The following KCNC2 variants were observed in gnomAD, a reference collection of about 807,000 sequenced individuals.
The protein encoded by KCNC2 is potassium voltage-gated channel subfamily C member 2.
In KCNC2, 21 loss-of-function variants were observed where a neutral mutation model predicts 44.5. The ratio of observed to expected loss-of-function variants is 0.47; its 90% confidence interval spans 0.33 to 0.68. The LOEUF is 0.68. Among genes scored for constraint, KCNC2 ranks in the 30% least tolerant of loss-of-function variants. KCNC2 has a pLI of 0.01. For synonymous variants in KCNC2, 391 were observed against 339.1 expected (o/e 1.15, Z -1.68); for missense variants, 589 against 826.2 (o/e 0.71, Z 3.52).
At chr12:75,113,244 T>C (rs890350488) in intron 2 of KCNC2, among the ~76,000 whole-genome samples, 1 of 152,100 alleles carries the variant, frequency 6.6e-6, no homozygotes, top group South Asian at 2.1e-4. Flanking sequence ...TTAAAATTAA[T>C]GTACTAACTA....
chr12:75,190,450 C>A (rs1260364566), intron 2 of KCNC2, among the ~76,000 whole-genome samples: 1 of 152,170 alleles, frequency 6.6e-6, no homozygotes, highest in Non-Finnish European at 1.5e-5. Flanking sequence ...TTCCTTGGGG[C>A]CTTTCCAGAT....
chr12:75,098,771 A>AATAC (rs1423729780), intron 2 of KCNC2, among the ~76,000 whole-genome samples: 4 of 151,558 alleles, frequency 2.6e-5, no homozygotes, highest in Admixed American at 6.6e-5. Context: ...TAAATAAATA[A>AATAC]ATAAATAAAT....
chr12:75,125,960 T>C (rs911748662), intron 2 of KCNC2, among the ~76,000 whole-genome samples: 14 of 152,284 alleles, frequency 9.2e-5, no homozygotes, highest in African/African-American at 3.1e-4. Flanking sequence ...TATAAAGCAA[T>C]TTAATATATA....
chr12:75,148,286 A>G (rs1295126558), intron 2 of KCNC2, among the ~76,000 whole-genome samples: 4 of 152,110 alleles, frequency 2.6e-5, no homozygotes, highest in Non-Finnish European at 5.9e-5. Flanking sequence ...AGAATAAATG[A>G]CATAACCTCC....
At chr12:75,178,671 C>T (rs1442948195) in intron 2 of KCNC2, among the ~76,000 whole-genome samples, 2 of 151,784 alleles carry the variant, frequency 1.3e-5, no homozygotes, top group Non-Finnish European at 2.9e-5. Flanking sequence ...AAAAGTACAC[C>T]CCCAATTTTT....
intron 2 of KCNC2, among the ~76,000 whole-genome samples, chr12:75,199,236 T>C (rs1031409682): frequency 2.6e-5 from 4 of 151,844 alleles, no homozygotes; most frequent in Non-Finnish European, 4.4e-5. Context: ...TCAGATATTG[T>C]TGAAGAATGG....
intron 2 of KCNC2, among the ~76,000 whole-genome samples, chr12:75,157,641 A>T (rs748560773): frequency 6.6e-6 from 1 of 151,844 alleles, no homozygotes. Flanking sequence ...ACTGGCTTTC[A>T]TGTGAGCAAG....
chr12:75,091,767 TA>T (rs533136516), intron 2 of KCNC2, among the ~76,000 whole-genome samples: 4 of 150,728 alleles, frequency 2.7e-5, no homozygotes, highest in Non-Finnish European at 4.4e-5. Context: ...AGTGCTATGT[TA>T]AAAAAAAATC....
Position 75,207,798 on chromosome 12 carries a change from C to A in KCNC2, c.186G>T (p.Ser62=), listed in dbSNP as rs768187148. 5.0e-6 allele frequency: 8 copies of A among 1,597,696 alleles called. No homozygotes were observed. The Admixed American group carries it at 1.2e-4, about 24-fold the overall frequency. ...ACAGCGGGGGCGCTCTCGGCGGCGG[C>A]GACAGTGGAGGCGGCGACGGCTGCA... The part of the protein sequence containing the change: ...DKLQPSPPPL[S]PPPRAPPLSP... Residue 62 remains serine, a synonymous_variant, in exon 2 of 5, where the codon TCG becomes TCT. Transcript: ENST00000549446. The surrounding 1 kb of genome is among the most constrained non-coding windows in gnomAD (Gnocchi z 4.1).
intron 2 of KCNC2, among the ~76,000 whole-genome samples, chr12:75,128,715 A>T (rs1008356416): frequency 2.0e-5 from 3 of 152,218 alleles, no homozygotes; most frequent in Non-Finnish European, 4.4e-5. Context: ...TTAGTCAAAA[A>T]AAAAGGTTAA....
intron 2 of KCNC2, among the ~76,000 whole-genome samples, chr12:75,113,897 GA>G (rs1033680476): frequency 1.3e-5 from 2 of 151,538 alleles, no homozygotes; most frequent in East Asian, 1.9e-4. Context: ...TCTCTCCAGG[GA>G]AAAAAAAGAG....
At chr12:75,184,201 T>C (rs1256169093) in intron 2 of KCNC2, among the ~76,000 whole-genome samples, 3 of 152,218 alleles carry the variant, frequency 2.0e-5, no homozygotes, top group African/African-American at 7.2e-5. Flanking sequence ...ATAAGACTCG[T>C]GTAGTCTCTG....
intron 2 of KCNC2, among the ~76,000 whole-genome samples, chr12:75,110,000 G>C (rs1166461765): frequency 1.3e-5 from 2 of 151,242 alleles, no homozygotes; most frequent in African/African-American, 4.9e-5. Flanking sequence ...AAAAATACAA[G>C]AATATAAAAA....
chr12:75,078,547 A>G (rs1418260576), intron 2 of KCNC2, among the ~76,000 whole-genome samples: 1 of 152,200 alleles, frequency 6.6e-6, no homozygotes, highest in Non-Finnish European at 1.5e-5. Context: ...TTACTATACA[A>G]ATAGTACTGT....
chr12:75,185,245 A>G (rs1892858417), intron 2 of KCNC2, among the ~76,000 whole-genome samples: 1 of 152,146 alleles, frequency 6.6e-6, no homozygotes. Flanking sequence ...GCAGGCTACT[A>G]AGGTTATGTG....
At chr12:75,113,460 T>A (rs780000687) in intron 2 of KCNC2, among the ~76,000 whole-genome samples, 1 of 152,034 alleles carries the variant, frequency 6.6e-6, no homozygotes, top group Non-Finnish European at 1.5e-5. Context: ...AAAAGGAAAA[T>A]GAAAATAGAG....
chr12:75,098,674 G>A (rs1387375690), intron 2 of KCNC2, among the ~76,000 whole-genome samples: 2 of 151,906 alleles, frequency 1.3e-5, no homozygotes, highest in Non-Finnish European at 2.9e-5. Flanking sequence ...CAGGAGAATG[G>A]CTTGAACTCA....
rs1347641760 is a variant in KCNC2 at position 75,207,431 on chromosome 12, G to T, written c.553C>A (p.Leu185Met). The T allele has an allele frequency of 6.2e-7, 1 of 1,607,286 alleles. No individual in the cohort carries two copies. The stretch of plus-strand genomic sequence containing the variant: ...TCGATGCCCAGCCTCTTGGCCGCCA[G>T]GTCCTCGTCGTCGCCGGGGTCGCCG... ...IGGDPGDDED[L>M]AAKRLGIEDA... The change falls in exon 2 of 5, where the codon CTG becomes ATG. Residue 185 changes from leucine to methionine, a missense_variant. By Grantham distance (15) the Leu-to-Met change is conservative. This residue lies in a region of KCNC2 where 97 missense variants were observed against 73.3 expected (regional missense o/e 1.32). Coordinates refer to ENST00000549446, the MANE Select transcript of KCNC2 (RefSeq NM_139137.4). The surrounding 1 kb of genome is among the most constrained non-coding windows in gnomAD (Gnocchi z 4.1).
chr12:75,162,878 G>A (rs1891211048), intron 2 of KCNC2, among the ~76,000 whole-genome samples: 1 of 151,826 alleles, frequency 6.6e-6, no homozygotes, highest in South Asian at 2.1e-4. Flanking sequence ...CTATTGACTA[G>A]AGATCTAAAA....
Sources: gnomAD v4.1 joint callset for allele counts (sites outside exome capture counted in the v4.1 genomes callset) on GRCh38, gnomAD v4.1.1 for gene constraint, gnomAD v4.1.1 regional missense constraint, Gnocchi (gnomAD v3.1) non-coding constraint, MANE v1.5 for transcripts, NCBI Gene and HGNC (gene_info 2026-07-23, HGNC 2026-07-21) for gene names.